The following ASIC2 variants were observed in gnomAD, a reference collection of about 807,000 sequenced individuals.
ASIC2 encodes acid sensing ion channel subunit 2.
ASIC2 carries 25 observed loss-of-function variants against 57.3 expected under a neutral mutation model. The observed-to-expected ratio is 0.44, with a 90% confidence interval of 0.32 to 0.61. The LOEUF (loss-of-function observed/expected upper bound fraction) is 0.61, where lower values mean the gene tolerates loss of function less well. ASIC2 is among the 20% of genes least tolerant of loss of function. ASIC2 has a pLI of 0.06. For synonymous variants in ASIC2, 319 were observed against 307.5 expected (o/e 1.04, Z -0.39); for missense variants, 641 against 738.1 (o/e 0.87, Z 1.52).
At chr17:33,685,866 A>G (rs1908169485) in intron 1 of ASIC2, among the ~76,000 whole-genome samples, 1 of 152,096 alleles carries the variant, frequency 6.6e-6, no homozygotes, top group Non-Finnish European at 1.5e-5. Context: ...CTGCTTAGCT[A>G]TGTCAAAAAA....
chr17:33,849,256 G>A (rs1913698522), intron 1 of ASIC2, among the ~76,000 whole-genome samples: 1 of 152,200 alleles, frequency 6.6e-6, no homozygotes, highest in African/African-American at 2.4e-5. Context: ...AGAGGGCCAT[G>A]AGAACCCAGG....
intron 7 of ASIC2, among the ~76,000 whole-genome samples, chr17:33,020,269 T>C (rs543617422): frequency 6.4e-4 from 98 of 152,210 alleles, no homozygotes; most frequent in African/African-American, 2.3e-3. Context: ...TGTTTAACCA[T>C]CACAACAAGC....
intron 1 of ASIC2, among the ~76,000 whole-genome samples, chr17:33,225,504 A>G (rs1248076180): frequency 6.6e-6 from 1 of 152,248 alleles, no homozygotes; most frequent in Non-Finnish European, 1.5e-5. Flanking sequence ...TGCCCCACAA[A>G]TACAAAATCA....
chr17:33,625,139 CT>C (rs1905936580), intron 1 of ASIC2, among the ~76,000 whole-genome samples: 2 of 150,322 alleles, frequency 1.3e-5, no homozygotes, highest in Admixed American at 1.3e-4. Context: ...GTCTATCTAT[CT>C]ATCTATCTAT....
At chr17:33,670,326 T>A (rs1219954959) in intron 1 of ASIC2, among the ~76,000 whole-genome samples, 1 of 152,166 alleles carries the variant, frequency 6.6e-6, no homozygotes, top group Non-Finnish European at 1.5e-5. Flanking sequence ...TGCTAAGGTG[T>A]CTTCTAATGC....
At chr17:33,358,894 T>A (rs1908490608) in intron 1 of ASIC2, among the ~76,000 whole-genome samples, 1 of 152,146 alleles carries the variant, frequency 6.6e-6, no homozygotes, top group African/African-American at 2.4e-5. Flanking sequence ...AGACAACACC[T>A]CCCTTAAAGC....
intron 1 of ASIC2, among the ~76,000 whole-genome samples, chr17:33,669,129 C>T (rs1482298985): frequency 6.6e-6 from 1 of 152,172 alleles, no homozygotes; most frequent in African/African-American, 2.4e-5. Flanking sequence ...TGTTGGAAGC[C>T]TGTTCCCTAG....
At chr17:33,825,169 C>A (rs1198522297) in intron 1 of ASIC2, among the ~76,000 whole-genome samples, 1 of 152,158 alleles carries the variant, frequency 6.6e-6, no homozygotes, top group African/African-American at 2.4e-5. Context: ...CAACTGCATA[C>A]CTTGCCTCCT....
At chr17:34,074,460 C>G (rs1598009009) in intron 1 of ASIC2, among the ~76,000 whole-genome samples, 1 of 152,182 alleles carries the variant, frequency 6.6e-6, no homozygotes, top group African/African-American at 2.4e-5. Context: ...AGCACCCTCT[C>G]TCTATGCATA....
At chr17:33,548,332 T>C (rs1915643277) in intron 1 of ASIC2, among the ~76,000 whole-genome samples, 1 of 152,248 alleles carries the variant, frequency 6.6e-6, no homozygotes, top group African/African-American at 2.4e-5. Context: ...ATTAATTGGC[T>C]ACTAATTATC....
intron 1 of ASIC2, among the ~76,000 whole-genome samples, chr17:34,110,723 C>G (rs1911240566): frequency 6.6e-6 from 1 of 152,222 alleles, no homozygotes; most frequent in South Asian, 2.1e-4. Flanking sequence ...TGTTTCCTGT[C>G]AAGAATAGAT....
chr17:33,420,818 C>CTCACT (rs1332654824), intron 1 of ASIC2, among the ~76,000 whole-genome samples: 1 of 152,150 alleles, frequency 6.6e-6, no homozygotes, highest in Non-Finnish European at 1.5e-5. Context: ...CCCAAAAGAG[C>CTCACT]TCACTCCAGC....
At chr17:33,814,717 T>C (rs1912527500) in intron 1 of ASIC2, among the ~76,000 whole-genome samples, 1 of 152,246 alleles carries the variant, frequency 6.6e-6, no homozygotes, top group Non-Finnish European at 1.5e-5. Flanking sequence ...GTGGCACATA[T>C]GTGCAGGTGT....
At chr17:33,218,605 C>T (rs920136700) in intron 1 of ASIC2, among the ~76,000 whole-genome samples, 2 of 146,520 alleles carry the variant, frequency 1.4e-5, no homozygotes, top group Non-Finnish European at 3.0e-5. Context: ...TCATTCTTAT[C>T]ATTATTATAA....
At chr17:33,025,367 G>A (rs1283475743) in intron 5 of ASIC2, among the ~76,000 whole-genome samples, 1 of 152,160 alleles carries the variant, frequency 6.6e-6, no homozygotes, top group African/African-American at 2.4e-5. Flanking sequence ...AGGCCCCTCA[G>A]GCAGGAGGAA....
In ASIC2 at chr17:33,737,173, T is replaced by C. The variant is rs1002608816; in HGVS notation, c.555+418805A>G. On this transcript the variant is annotated intron_variant, in intron 1 of 9. Transcript: ENST00000359872. Reference sequence around the variant, plus strand: ...CACGCCTCCACATTTATTTTACCCTTATAAACTGAGGCTTTGTTTTTATGG... The same window carrying C: ...CACGCCTCCACATTTATTTTACCCTCATAAACTGAGGCTTTGTTTTTATGG... 3.3e-5 allele frequency among the ~76,000 whole-genome samples: 5 copies of C among 152,286 alleles called. No individual in the cohort carries two copies. In the East Asian group the frequency reaches 9.6e-4, roughly 29 times the overall value.
intron 1 of ASIC2, among the ~76,000 whole-genome samples, chr17:34,127,116 A>C (rs1227210771): frequency 6.6e-6 from 1 of 152,180 alleles, no homozygotes; most frequent in African/African-American, 2.4e-5. Flanking sequence ...GGTAACAGTC[A>C]CACAACTCAA....
At chr17:33,345,709 A>G (rs1044121705) in intron 1 of ASIC2, among the ~76,000 whole-genome samples, 1 of 152,240 alleles carries the variant, frequency 6.6e-6, no homozygotes, top group Non-Finnish European at 1.5e-5. Context: ...ACAGGGCATT[A>G]TCATTCCTGG....
At chr17:33,838,883 T>C (rs995792064) in intron 1 of ASIC2, among the ~76,000 whole-genome samples, 2 of 152,316 alleles carry the variant, frequency 1.3e-5, no homozygotes, top group South Asian at 4.1e-4. Flanking sequence ...TAGCCAGAGT[T>C]GAAAACTTCT....
Sources: allele counts gnomAD v4.1 joint callset (sites outside exome capture counted in the v4.1 genomes callset), GRCh38; gene constraint gnomAD v4.1.1; transcripts MANE v1.5; gene names NCBI Gene and HGNC (gene_info 2026-07-23, HGNC 2026-07-21).